Variants in SAMD12 observed in about 807,000 individuals in gnomAD.
The protein encoded by SAMD12 is sterile alpha motif domain-containing protein 12.
In SAMD12, 9 loss-of-function variants were observed where a neutral mutation model predicts 15.0. That is an observed-to-expected ratio of 0.60 (90% CI 0.36 to 1.05). SAMD12 has a LOEUF of 1.05. Ranked by LOEUF, SAMD12 falls within the 50% of genes least tolerant of loss-of-function variation. The pLI, the probability that SAMD12 is intolerant of heterozygous loss-of-function variation, is 0.01. For synonymous variants in SAMD12, 86 were observed against 90.1 expected, an observed-to-expected ratio of 0.96 and a Z score of 0.25; for missense variants, 230 against 234.2, an observed-to-expected ratio of 0.98 and a Z score of 0.12.
At chr8:118,223,040 T>C (rs1402100506) in intron 4 of SAMD12, among the ~76,000 whole-genome samples, 1 of 152,086 alleles carries the variant, frequency 6.6e-6, no homozygotes, top group Non-Finnish European at 1.5e-5. Flanking sequence ...TCATCAGAAA[T>C]AGAAAAATGT....
At chr8:118,427,091 G>T (rs894986805) in intron 3 of SAMD12, among the ~76,000 whole-genome samples, 16 of 152,030 alleles carry the variant, frequency 1.1e-4, no homozygotes, top group Non-Finnish European at 4.4e-5. Context: ...AGAATGCTTT[G>T]GTATCTTCAG....
chr8:118,521,268 C>A (rs1825381446), intron 2 of SAMD12, among the ~76,000 whole-genome samples: 1 of 152,148 alleles, frequency 6.6e-6, no homozygotes, highest in South Asian at 2.1e-4. Context: ...TTCCCTTGAT[C>A]CTCCCTTTAA....
At chr8:118,360,943 A>G (rs1385406233) in intron 4 of SAMD12, among the ~76,000 whole-genome samples, 1 of 152,154 alleles carries the variant, frequency 6.6e-6, no homozygotes, top group East Asian at 1.9e-4. Flanking sequence ...ATCATGTCAC[A>G]TCTCTGCTTA....
chr8:118,380,619 C>T (rs1324780112), intron 3 of SAMD12, among the ~76,000 whole-genome samples: 1 of 152,206 alleles, frequency 6.6e-6, no homozygotes, highest in Non-Finnish European at 1.5e-5. Context: ...TAGCACCACC[C>T]ACTACTCTTC....
At chr8:118,351,058 A>G (rs1375234426) in intron 4 of SAMD12, among the ~76,000 whole-genome samples, 3 of 152,204 alleles carry the variant, frequency 2.0e-5, no homozygotes, top group African/African-American at 7.2e-5. Flanking sequence ...ACCACGTGGG[A>G]CATGAGTCTC....
intron 2 of SAMD12, among the ~76,000 whole-genome samples, chr8:118,543,356 G>A (rs1826035887): frequency 6.6e-6 from 1 of 152,168 alleles, no homozygotes; most frequent in Non-Finnish European, 1.5e-5. Context: ...CTCATTCCGA[G>A]TCTCTAATTG....
intron 3 of SAMD12, 148 bp from the exon 4 acceptor site, chr8:118,379,848 G>T: frequency 1.0e-6 from 1 of 989,684 alleles, no homozygotes; most frequent in Non-Finnish European, 1.4e-6. Context: ...TATTATTGCT[G>T]ACACAAATGG....
intron 2 of SAMD12, among the ~76,000 whole-genome samples, chr8:118,570,829 C>T (rs1447319473): frequency 6.6e-6 from 1 of 152,142 alleles, no homozygotes; most frequent in Non-Finnish European, 1.5e-5. Context: ...TTGAATCATG[C>T]AGGCAAGTCT....
intron 4 of SAMD12, among the ~76,000 whole-genome samples, chr8:118,364,452 CCTT>C (rs766686013): frequency 1.6e-4 from 24 of 152,130 alleles, no homozygotes; most frequent in Admixed American, 1.6e-3. Flanking sequence ...GCTGAAAACT[CCTT>C]CTGAATTCAC....
intron 4 of SAMD12, among the ~76,000 whole-genome samples, chr8:118,355,366 T>C (rs1376103282): frequency 2.0e-5 from 3 of 152,096 alleles, no homozygotes; most frequent in Non-Finnish European, 4.4e-5. Flanking sequence ...AATGACACAA[T>C]AGACTTTGGG....
Position 118,403,816 on chromosome 8 carries a change from A to G in SAMD12, c.323-24116T>C, listed in dbSNP as rs143272333. ...AGCTCTGGAGAGGTAGTGAAACAAC[A>G]TTGTCATCCTTGTACAAAAAAGAGC... On this transcript the variant is annotated intron_variant, in intron 3 of 3. Coordinates refer to ENST00000314727, the MANE Select transcript of SAMD12 (RefSeq NM_207506.3). 2.8e-3 allele frequency among the ~76,000 whole-genome samples: 431 copies of G among 152,288 alleles called. 2 individuals are homozygous for G. Among genetic ancestry groups the G allele is most frequent in the Middle Eastern group, 6.8e-3 (2 of 292 alleles).
chr8:118,577,223 G>A, intron 2 of SAMD12, among the ~76,000 whole-genome samples: 1 of 152,090 alleles, frequency 6.6e-6, no homozygotes, highest in Non-Finnish European at 1.5e-5. Flanking sequence ...GGCTACTTGT[G>A]GCCAGACAAC....
At chr8:118,152,344 A>G in the SAMD12 span, among the ~76,000 whole-genome samples, 8 of 152,178 alleles carry the variant, frequency 5.3e-5, no homozygotes, top group Non-Finnish European at 8.8e-5. Context: ...TAACAAACTG[A>G]GATTCAAAAT....
At chr8:118,416,816 T>C (rs1821718023) in intron 3 of SAMD12, among the ~76,000 whole-genome samples, 1 of 152,260 alleles carries the variant, frequency 6.6e-6, no homozygotes. Flanking sequence ...ATTTGCCATA[T>C]GTTATTTGTG....
intron 1 of SAMD12, among the ~76,000 whole-genome samples, chr8:118,616,778 C>T (rs1027640247): frequency 5.3e-5 from 8 of 152,290 alleles, no homozygotes; most frequent in South Asian, 4.1e-4. Flanking sequence ...GGAACCACAC[C>T]GCACAGCAGG....
chr8:118,366,886 A>AAATAAAATAAAATAAAATAAAAT (rs1818823860), intron 4 of SAMD12, among the ~76,000 whole-genome samples: 7 of 39,626 alleles, frequency 1.8e-4, no homozygotes, highest in South Asian at 1.5e-3. Context: ...TAAAATAATA[A>AAATAAAATAAAATAAAATAAAAT]AATAAAATAA....
chr8:118,500,243 T>C (rs556632626), intron 2 of SAMD12, among the ~76,000 whole-genome samples: 1 of 151,680 alleles, frequency 6.6e-6, no homozygotes, highest in South Asian at 2.1e-4. Flanking sequence ...TACACCCAGC[T>C]CATTTTGTAT....
chr8:118,598,827 C>T (rs1451761370), intron 1 of SAMD12, among the ~76,000 whole-genome samples: 3 of 152,180 alleles, frequency 2.0e-5, no homozygotes, highest in South Asian at 2.1e-4. Context: ...ATCTGAAGAA[C>T]GTATGCAATC....
intron 2 of SAMD12, among the ~76,000 whole-genome samples, chr8:118,457,263 C>G (rs1052706057): frequency 1.3e-5 from 2 of 148,166 alleles, no homozygotes; most frequent in South Asian, 4.2e-4. Context: ...ACAAGGCTTA[C>G]TCTCTTGCCC....
Sources: gnomAD v4.1 joint callset for allele counts (sites outside exome capture counted in the v4.1 genomes callset) on GRCh38, gnomAD v4.1.1 for gene constraint, MANE v1.5 for transcripts, NCBI Gene and HGNC (gene_info 2026-07-23, HGNC 2026-07-21) for gene names.